Variants in CNTN5 observed in about 807,000 individuals in gnomAD.
CNTN5 encodes contactin 5, also known as contactin-5.
In CNTN5, 77 loss-of-function variants were observed where a neutral mutation model predicts 129.1. The ratio of observed to expected loss-of-function variants is 0.60; its 90% CI spans 0.50 to 0.72. The LOEUF (loss-of-function observed/expected upper bound fraction) is 0.72. Among genes scored for constraint, CNTN5 ranks in the 30% least tolerant of loss-of-function variants. CNTN5 has a pLI of 0.00. For synonymous variants in CNTN5, 509 were observed against 465.6 expected (o/e 1.09, Z -1.20); for missense variants, 1,478 against 1,328.8 (o/e 1.11, Z -1.75).
intron 1 of CNTN5, among the ~76,000 whole-genome samples, chr11:99,107,315 A>T (rs932817464): frequency 2.0e-5 from 3 of 152,178 alleles, no homozygotes; most frequent in African/African-American, 7.2e-5. Context: ...ACATGAACAA[A>T]TTTATGCAAA....
intron 1 of CNTN5, among the ~76,000 whole-genome samples, chr11:99,260,552 T>A (rs1862579623): frequency 6.6e-6 from 1 of 151,872 alleles, no homozygotes; most frequent in African/African-American, 2.4e-5. Context: ...TCACTAAATA[T>A]AACTATACTT....
At chr11:99,545,108 G>A (rs1565280486) in intron 2 of CNTN5, among the ~76,000 whole-genome samples, 1 of 152,040 alleles carries the variant, frequency 6.6e-6, no homozygotes, top group Non-Finnish European at 1.5e-5. Flanking sequence ...TGTTTGTTTG[G>A]CTTATTTTTT....
At chr11:100,112,666 T>G (rs1282120184) in intron 13 of CNTN5, among the ~76,000 whole-genome samples, 1 of 152,136 alleles carries the variant, frequency 6.6e-6, no homozygotes, top group African/African-American at 2.4e-5. Flanking sequence ...TATGAGAAGA[T>G]AGAGAATAGG....
intron 1 of CNTN5, among the ~76,000 whole-genome samples, chr11:99,130,483 C>A (rs67677727): frequency 0.12 from 18,063 of 152,128 alleles, 1,187 homozygotes; most frequent in Non-Finnish European, 0.15. Flanking sequence ...TGAAGACCTA[C>A]AAAAAGATTT....
chr11:99,810,633 A>T, intron 3 of CNTN5, among the ~76,000 whole-genome samples: 2 of 152,268 alleles, frequency 1.3e-5, no homozygotes, highest in South Asian at 4.1e-4. Flanking sequence ...AATGATGCAC[A>T]TTATTTGTAA....
intron 6 of CNTN5, among the ~76,000 whole-genome samples, chr11:99,913,933 G>A (rs1276149084): frequency 6.6e-6 from 1 of 152,046 alleles, no homozygotes; most frequent in African/African-American, 2.4e-5. Flanking sequence ...GATGAAAAGA[G>A]GAAAGTGAAA....
intron 3 of CNTN5, among the ~76,000 whole-genome samples, chr11:99,771,822 G>A (rs1020081000): frequency 5.3e-5 from 8 of 151,948 alleles, no homozygotes; most frequent in East Asian, 1.9e-4. Context: ...TGGCAACTGC[G>A]TGAGGTGATA....
chr11:99,703,605 G>A (rs1344072385), intron 3 of CNTN5, among the ~76,000 whole-genome samples: 10 of 150,774 alleles, frequency 6.6e-5, no homozygotes, highest in Non-Finnish European at 1.5e-5. Context: ...TTTAAGAAGT[G>A]CACCTAAATT....
intron 7 of CNTN5, among the ~76,000 whole-genome samples, chr11:99,919,798 G>A (rs1189648401): frequency 7.6e-6 from 1 of 131,932 alleles, no homozygotes; most frequent in East Asian, 2.2e-4. Context: ...GACTTTTCTA[G>A]AATATTTATT....
chr11:99,602,589 A>G (rs1350260469), intron 3 of CNTN5, among the ~76,000 whole-genome samples: 1 of 152,182 alleles, frequency 6.6e-6, no homozygotes, highest in Non-Finnish European at 1.5e-5. Flanking sequence ...CATTTAAGGA[A>G]AACAACACAT....
intron 1 of CNTN5, among the ~76,000 whole-genome samples, chr11:99,234,313 A>G (rs1354133068): frequency 6.6e-6 from 1 of 152,166 alleles, no homozygotes; most frequent in Non-Finnish European, 1.5e-5. Context: ...AGATTAAGAA[A>G]AGAGAGGGAA....
intron 10 of CNTN5, among the ~76,000 whole-genome samples, chr11:100,069,679 G>A (rs548146645): frequency 6.6e-6 from 1 of 152,114 alleles, no homozygotes; most frequent in Non-Finnish European, 1.5e-5. Flanking sequence ...TACAGTTTTT[G>A]CCAAAAATGT....
chr11:99,937,342 A>G (rs1295989056), intron 7 of CNTN5, among the ~76,000 whole-genome samples: 1 of 152,214 alleles, frequency 6.6e-6, no homozygotes, highest in Non-Finnish European at 1.5e-5. Flanking sequence ...GTTCTTACAC[A>G]TTGCAAAAAG....
chr11:99,552,388 C>T (rs1413287997), intron 2 of CNTN5, among the ~76,000 whole-genome samples: 1 of 152,026 alleles, frequency 6.6e-6, no homozygotes, highest in Non-Finnish European at 1.5e-5. Context: ...ATGGATATGA[C>T]ATTCTAGTAG....
At chr11:99,792,533 A>C (rs1172537626) in intron 3 of CNTN5, among the ~76,000 whole-genome samples, 2 of 87,802 alleles carry the variant, frequency 2.3e-5, no homozygotes, top group Non-Finnish European at 4.4e-5. Context: ...ATTGGCCTGA[A>C]GAGGGGTGTG....
At chr11:99,174,020 T>C (rs1857655576) in intron 1 of CNTN5, among the ~76,000 whole-genome samples, 1 of 149,764 alleles carries the variant, frequency 6.7e-6, no homozygotes, top group Admixed American at 6.7e-5. Flanking sequence ...GTGTGTGTGA[T>C]GGAGCCTCAT....
intron 1 of CNTN5, among the ~76,000 whole-genome samples, chr11:99,191,128 T>G (rs138649163): frequency 1.3e-5 from 2 of 151,952 alleles, no homozygotes; most frequent in Non-Finnish European, 3.0e-5. Flanking sequence ...ATTCTGTTGA[T>G]GTGTGTACCA....
intron 1 of CNTN5, among the ~76,000 whole-genome samples, chr11:99,101,363 A>G (rs1866726961): frequency 6.6e-6 from 1 of 152,080 alleles, no homozygotes. Flanking sequence ...TTCAAAACCA[A>G]TCTTGCATTC....
At chr11:99,866,102 G>A (rs1242494435) in intron 6 of CNTN5, among the ~76,000 whole-genome samples, 1 of 152,136 alleles carries the variant, frequency 6.6e-6, no homozygotes, top group Non-Finnish European at 1.5e-5. Context: ...AATGTTCTGA[G>A]GATGTAATTT....
Sources: allele counts gnomAD v4.1 joint callset (sites outside exome capture counted in the v4.1 genomes callset), GRCh38; gene constraint gnomAD v4.1.1; transcripts MANE v1.5; gene names NCBI Gene and HGNC (gene_info 2026-07-23, HGNC 2026-07-21).